Variants in DGKI observed in about 807,000 individuals in gnomAD.
DGKI encodes the protein DAG kinase iota.
In DGKI, 55 loss-of-function variants were observed where a neutral mutation model predicts 147.5. That is an observed-to-expected ratio of 0.37 (90% CI 0.30 to 0.47). DGKI has a LOEUF of 0.47. DGKI is among the 20% of genes least tolerant of loss of function. The pLI is 1.00. For missense variants in DGKI, 1,007 were observed against 1,323.8 expected (o/e 0.76, Z 3.71); for synonymous variants, 469 against 477.1 (o/e 0.98, Z 0.22).
At chr7:137,806,436 C>A (rs1032224685) in intron 1 of DGKI, among the ~76,000 whole-genome samples, 1 of 151,900 alleles carries the variant, frequency 6.6e-6, no homozygotes, top group South Asian at 2.1e-4. Flanking sequence ...TGAACCTTTG[C>A]TTCTTTTTTT....
At chr7:137,463,310 G>A (rs888195396) in intron 27 of DGKI, among the ~76,000 whole-genome samples, 179 bp downstream of exon 27, 3 of 152,208 alleles carry the variant, frequency 2.0e-5, no homozygotes, top group East Asian at 3.9e-4. Flanking sequence ...TTCCATGAAC[G>A]GTTTGGGGTA....
chr7:137,642,729 T>C lies in DGKI; in HGVS notation c.804+2743A>G, dbSNP rs1257951206. 5.9e-5 allele frequency among the ~76,000 whole-genome samples: 9 copies of C among 152,164 alleles called. 1 individual carries two copies. The South Asian group carries it at 1.2e-3, about 21-fold the overall frequency. On this transcript the variant is annotated intron_variant, in intron 6 of 32. Transcript: ENST00000614521. ...ACACACACTCAGCCAAACACATATT[T>C]AAGGCAAGAGAAAATCAGTCCAAAC...
intron 21 of DGKI, chr7:137,513,742 G>C (rs1409010262): frequency 7.5e-5 from 36 of 479,906 alleles, no homozygotes; most frequent in South Asian, 6.5e-4. Context: ...GCAGGCAATT[G>C]TAACACAATG....
chr7:137,702,883 A>T (rs1342155169), intron 1 of DGKI, among the ~76,000 whole-genome samples: 1 of 152,218 alleles, frequency 6.6e-6, no homozygotes. Context: ...TTTTAACACC[A>T]TAGTGGCCTA....
chr7:137,527,096 A>G (rs896046532), intron 20 of DGKI, among the ~76,000 whole-genome samples: 1 of 152,212 alleles, frequency 6.6e-6, no homozygotes, highest in African/African-American at 2.4e-5. Context: ...TCCAATCTAA[A>G]TGGTCAGAAC....
chr7:137,843,666 A>C (rs1411108315), intron 1 of DGKI, among the ~76,000 whole-genome samples: 2 of 151,666 alleles, frequency 1.3e-5, no homozygotes, highest in African/African-American at 4.9e-5. Context: ...AAAAGACAGG[A>C]GTCACTGCAT....
Position 137,448,749 on chromosome 7 carries a change from A to C in DGKI, c.2736-4647T>G, listed in dbSNP as rs1267805772. On this transcript the variant is annotated intron_variant, in intron 27 of 32. Coordinates refer to ENST00000614521, the MANE Select transcript of DGKI (RefSeq NM_001321708.2). ...AGGGAGGAAGGGAGGGAGGGAAGGA[A>C]GGGAGGTAGGGGTAAATACAGCATT... Among the ~76,000 whole-genome samples, 3 of 149,704 alleles carry C rather than the reference A, an allele frequency of 2.0e-5. No individual in the cohort carries two copies. The East Asian group carries it at 6.0e-4, about 30-fold the overall frequency.
At chr7:137,567,441 A>G (rs1434479131) in intron 19 of DGKI, among the ~76,000 whole-genome samples, 1 of 152,216 alleles carries the variant, frequency 6.6e-6, no homozygotes, top group Admixed American at 6.5e-5. Flanking sequence ...GGGGGAAAAT[A>G]TATGTAGTGT....
rs147066680 is a variant in DGKI, at chr7:137,535,794, T to C, written c.2148-13828A>G. Among the ~76,000 whole-genome samples the C allele has an allele frequency of 6.5e-3, 995 of 152,264 alleles. 4 individuals carry two copies. Among genetic ancestry groups the C allele is most frequent in the Middle Eastern group, 0.024 (7 of 294 alleles). On this transcript the variant is annotated intron_variant, in intron 20 of 32. Transcript: ENST00000614521. ...TTGCGCCTTTACATAAGTGGACTGA[T>C]TGCCGAGCTCTGGGTGGACTGTTAC...
intron 2 of DGKI, among the ~76,000 whole-genome samples, chr7:137,684,843 A>C (rs1025321421): frequency 3.3e-5 from 5 of 152,142 alleles, no homozygotes; most frequent in African/African-American, 4.8e-5. Flanking sequence ...CCTGATGAAG[A>C]GGGGGGCCTG....
At chr7:137,509,484 G>A (rs1335480127) in intron 21 of DGKI, among the ~76,000 whole-genome samples, 1 of 152,182 alleles carries the variant, frequency 6.6e-6, no homozygotes, top group Non-Finnish European at 1.5e-5. Context: ...AAGAGTGACA[G>A]TGAAGTCGTT....
At chr7:137,522,038 A>C in intron 20 of DGKI, 72 bp from the exon 21 acceptor site, 1 of 1,065,370 alleles carries the variant, frequency 9.4e-7, no homozygotes, top group Non-Finnish European at 1.4e-6. Context: ...CTGAAGGAAT[A>C]AGGGCAATAT....
intron 2 of DGKI, among the ~76,000 whole-genome samples, chr7:137,686,517 A>G (rs1238960659): frequency 2.0e-5 from 3 of 152,234 alleles, no homozygotes; most frequent in Non-Finnish European, 4.4e-5. Flanking sequence ...AAAAGTCATA[A>G]TAAGCCATTT....
chr7:137,612,221 C>CTTTT (rs551204704), intron 8 of DGKI, among the ~76,000 whole-genome samples: 35 of 113,946 alleles, frequency 3.1e-4, no homozygotes, highest in African/African-American at 3.8e-4. Context: ...ACAAAACGGG[C>CTTTT]TTTTTTTTTT....
intron 1 of DGKI, among the ~76,000 whole-genome samples, chr7:137,776,487 T>C (rs933712033): frequency 6.6e-6 from 1 of 152,220 alleles, no homozygotes; most frequent in African/African-American, 2.4e-5. Flanking sequence ...TTGACCATCA[T>C]CTTACTTTAC....
intron 3 of DGKI, among the ~76,000 whole-genome samples, chr7:137,677,766 A>T (rs929592404): frequency 6.6e-6 from 1 of 152,182 alleles, no homozygotes; most frequent in Non-Finnish European, 1.5e-5. Context: ...TCTGGTGCTA[A>T]TTTCCCCAAA....
intron 10 of DGKI, among the ~76,000 whole-genome samples, chr7:137,600,503 T>C (rs1250882986): frequency 1.3e-5 from 2 of 152,260 alleles, no homozygotes; most frequent in East Asian, 3.9e-4. Context: ...TTAAAAGCCA[T>C]AATTTTTGAG....
intron 3 of DGKI, among the ~76,000 whole-genome samples, chr7:137,671,140 T>G (rs1211921703): frequency 6.6e-6 from 1 of 152,178 alleles, no homozygotes; most frequent in Non-Finnish European, 1.5e-5. Flanking sequence ...AAGCTGAAAG[T>G]TTCCTTCAAA....
At chr7:137,608,836 C>A (rs1193773865) in intron 10 of DGKI, 130 bp downstream of exon 10, 2 of 710,352 alleles carry the variant, frequency 2.8e-6, no homozygotes, top group Non-Finnish European at 4.8e-6. Flanking sequence ...GAAACAATAA[C>A]CTTGTTCCTG....
Sources: allele counts gnomAD v4.1 joint callset (sites outside exome capture counted in the v4.1 genomes callset), GRCh38; gene constraint gnomAD v4.1.1; transcripts MANE v1.5; gene names NCBI Gene and HGNC (gene_info 2026-07-23, HGNC 2026-07-21).